The following SYCP2L variants were observed in gnomAD, a reference collection of about 807,000 sequenced individuals.
SYCP2L encodes synaptonemal complex protein 2 like.
In SYCP2L, 98 loss-of-function variants were observed where a neutral mutation model predicts 125.8. The ratio of observed to expected loss-of-function variants is 0.78; its 90% CI spans 0.66 to 0.92. SYCP2L has a LOEUF of 0.92. SYCP2L is among the 40% of genes least tolerant of loss of function. The pLI is 0.00. For synonymous variants in SYCP2L, 317 were observed against 325.4 expected (o/e 0.97, Z 0.28); for missense variants, 842 against 936.4 (o/e 0.90, Z 1.32).
chr6:10,928,545 C>T (rs1342063650), intron 18 of SYCP2L, 95 bp downstream of exon 18: 9 of 1,414,272 alleles, frequency 6.4e-6, no homozygotes, highest in South Asian at 1.9e-5. Flanking sequence ...ACCATTTTCT[C>T]CTGGCCAACC....
intron 14 of SYCP2L, among the ~76,000 whole-genome samples, chr6:10,920,141 T>C (rs1379560318): frequency 6.6e-6 from 1 of 152,174 alleles, no homozygotes; most frequent in Non-Finnish European, 1.5e-5. Context: ...CTCAAGGCAA[T>C]CTCCTGGTGG....
At chr6:10,957,768 G>A (rs1169447268) in intron 25 of SYCP2L, among the ~76,000 whole-genome samples, 1 of 152,186 alleles carries the variant, frequency 6.6e-6, no homozygotes, top group Non-Finnish European at 1.5e-5. Context: ...AGTGAGCTAT[G>A]ATCATGCCGC....
intron 14 of SYCP2L, among the ~76,000 whole-genome samples, chr6:10,923,888 G>A (rs917737232): frequency 1.2e-4 from 18 of 151,566 alleles, no homozygotes; most frequent in South Asian, 4.2e-4. Flanking sequence ...GTTTCACCGT[G>A]TTAGCCAGGA....
chr6:10,903,300 G>C (rs1054510616), intron 8 of SYCP2L, among the ~76,000 whole-genome samples: 4 of 152,162 alleles, frequency 2.6e-5, no homozygotes, highest in African/African-American at 9.6e-5. Flanking sequence ...TGTAATCCCA[G>C]CGCTTTGGGA....
chr6:10,948,475 AG>A (rs1373088891), intron 23 of SYCP2L, among the ~76,000 whole-genome samples: 1 of 152,154 alleles, frequency 6.6e-6, no homozygotes, highest in Non-Finnish European at 1.5e-5. Context: ...AGAGAGTAGA[AG>A]GGTGTGGTGG....
chr6:10,948,307 C>G (rs1289626740), intron 23 of SYCP2L, among the ~76,000 whole-genome samples: 1 of 152,174 alleles, frequency 6.6e-6, no homozygotes, highest in Non-Finnish European at 1.5e-5. Context: ...CATTTAATAA[C>G]TGAAAGTTTA....
chr6:10,949,760 T>G (rs1299762859), intron 23 of SYCP2L, among the ~76,000 whole-genome samples: 2 of 150,166 alleles, frequency 1.3e-5, no homozygotes, highest in Non-Finnish European at 3.0e-5. Context: ...CTTTCAGTCT[T>G]TTTTTCATCC....
intron 21 of SYCP2L, among the ~76,000 whole-genome samples, chr6:10,936,129 ATC>A (rs1469572815): frequency 2.6e-5 from 4 of 152,128 alleles, no homozygotes; most frequent in South Asian, 2.1e-4. Flanking sequence ...TTCAATAACA[ATC>A]TGTTAGTGTA....
At chr6:10,947,463 T>C (rs1308549678) in intron 23 of SYCP2L, among the ~76,000 whole-genome samples, 1 of 152,094 alleles carries the variant, frequency 6.6e-6, no homozygotes, top group African/African-American at 2.4e-5. Context: ...GCGTCCTTTA[T>C]TGAGTTTTAA....
chr6:10,963,622 T>C (rs1781627633), intron 28 of SYCP2L, among the ~76,000 whole-genome samples, 160 bp from the exon 29 acceptor site: 2 of 152,186 alleles, frequency 1.3e-5, no homozygotes, highest in Non-Finnish European at 2.9e-5. Flanking sequence ...CAGATGAACA[T>C]GTTAATCTCT....
chr6:10,900,497 C>T (rs890119350), intron 6 of SYCP2L, among the ~76,000 whole-genome samples: 4 of 152,092 alleles, frequency 2.6e-5, no homozygotes, highest in Non-Finnish European at 4.4e-5. Flanking sequence ...GCATTACAAG[C>T]GTGTGCCACC....
chr6:10,903,092 A>G (rs1780409105), intron 8 of SYCP2L, 129 bp downstream of exon 8: 1 of 743,474 alleles, frequency 1.3e-6, no homozygotes, highest in East Asian at 2.7e-5. Context: ...TTGTGCACCT[A>G]TTATGTGTCA....
At position 10,962,172 on chromosome 6, in the gene SYCP2L, T is replaced by C. The variant is rs1316068662; in HGVS notation, c.2414+614T>C. On this transcript the variant is annotated intron_variant, in intron 28 of 29. Coordinates refer to ENST00000283141, the MANE Select transcript of SYCP2L (RefSeq NM_001040274.3). ...CTCGAATAATCAAAAGGAATCCCCA[T>C]ATAAATTTATAATAGTTAAAGCTTT... is the stretch of plus-strand genomic sequence containing the variant. Among the ~76,000 whole-genome samples, 4 of 145,062 alleles carry C rather than the reference T, an allele frequency of 2.8e-5. No homozygotes were observed. In the South Asian group the frequency reaches 8.7e-4, roughly 32 times the overall value.
intron 26 of SYCP2L, among the ~76,000 whole-genome samples, chr6:10,959,596 G>A (rs754069987): frequency 6.6e-6 from 1 of 152,210 alleles, no homozygotes; most frequent in Non-Finnish European, 1.5e-5. Context: ...CCAGCCAGGC[G>A]TGGTGGCTCA....
chr6:10,948,754 C>G (rs1781359455), intron 23 of SYCP2L, among the ~76,000 whole-genome samples: 1 of 152,078 alleles, frequency 6.6e-6, no homozygotes, highest in South Asian at 2.1e-4. Flanking sequence ...CTCTCTCTTG[C>G]TGGAAAAGTT....
Position 10,938,437 on chromosome 6 carries a change from C to A in SYCP2L, c.1813+3250C>A, listed in dbSNP as rs1781146110. 3.9e-5 allele frequency among the ~76,000 whole-genome samples: 6 copies of A among 152,212 alleles called. No homozygotes were observed. In the South Asian group the frequency reaches 1.2e-3, roughly 32 times the overall value. ...TTAAAAAGGCCATATATGACAAGCC[C>A]AGAGCTAGCATTCCACTCAATGGTG... On this transcript the variant is annotated intron_variant, in intron 21 of 29. Transcript: ENST00000283141.
intron 14 of SYCP2L, among the ~76,000 whole-genome samples, chr6:10,915,482 T>C (rs1026136719): frequency 2.0e-5 from 3 of 152,338 alleles, no homozygotes; most frequent in Admixed American, 1.3e-4. Context: ...TTTATTACAT[T>C]GAGGTATGTC....
intron 29 of SYCP2L, among the ~76,000 whole-genome samples, chr6:10,964,684 C>G (rs1322154550): frequency 6.6e-6 from 1 of 151,914 alleles, no homozygotes; most frequent in Admixed American, 6.6e-5. Context: ...TGGAGGCAAC[C>G]CATTAAAAGA....
Position 10,935,036 on chromosome 6 carries a change from TAAAAA to T in SYCP2L, c.1684-20_1684-16del. On this transcript the variant is annotated splice_polypyrimidine_tract_variant and intron_variant, in intron 20 of 29. Coordinates refer to ENST00000283141, the MANE Select transcript of SYCP2L (RefSeq NM_001040274.3). ...GTTTTTAATTATGAATGTTAACACT[TAAAAA>T]AGATACTATATTTTAGGCTAAGCTT... 6.4e-7 allele frequency: 1 copy of T among 1,565,550 alleles called. No homozygotes were observed. Among genetic ancestry groups the T allele is most frequent in the East Asian group, 2.3e-5 (1 of 44,018 alleles).
Sources: gnomAD v4.1 joint callset for allele counts (sites outside exome capture counted in the v4.1 genomes callset) on GRCh38, gnomAD v4.1.1 for gene constraint, MANE v1.5 for transcripts, NCBI Gene and HGNC (gene_info 2026-07-23, HGNC 2026-07-21) for gene names.